The following KANSL1 variants were observed in gnomAD, a reference collection of about 807,000 sequenced individuals.
KANSL1 encodes the protein MLL1/MLL complex subunit KANSL1.
In KANSL1, 22 loss-of-function variants were observed where a neutral mutation model predicts 103.6. The observed-to-expected ratio is 0.21, with a 90% CI of 0.15 to 0.30. The LOEUF is 0.30. KANSL1 is among the 10% of genes least tolerant of loss of function. The pLI is 1.00. For synonymous variants in KANSL1, 600 were observed against 527.6 expected (o/e 1.14, Z -1.88); for missense variants, 1,337 against 1,399.8 (o/e 0.96, Z 0.72).
chr17:46,153,130 T>A (rs953137786), intron 2 of KANSL1, among the ~76,000 whole-genome samples: 2 of 152,230 alleles, frequency 1.3e-5, no homozygotes, highest in Non-Finnish European at 2.9e-5. Context: ...GATTTTTTTT[T>A]AAAGTATTAT....
chr17:46,177,427 T>A (rs537726662), intron 1 of KANSL1, among the ~76,000 whole-genome samples: 21 of 152,328 alleles, frequency 1.4e-4, no homozygotes, highest in African/African-American at 5.1e-4. Context: ...TATTTCATGA[T>A]GTTGTTTATA....
chr17:46,059,058 AAAAG>A (rs201209467), intron 6 of KANSL1, among the ~76,000 whole-genome samples: 1,509 of 148,772 alleles, frequency 0.01, 24 homozygotes, highest in African/African-American at 0.032. Flanking sequence ...GAAAAAAAAA[AAAAG>A]AAAGAAAGAA....
chr17:46,061,040 T>C (rs999498227), intron 6 of KANSL1, among the ~76,000 whole-genome samples: 1 of 152,146 alleles, frequency 6.6e-6, no homozygotes, highest in Non-Finnish European at 1.5e-5. Flanking sequence ...GCAATAAAAA[T>C]TTCAAGGGTA....
At chr17:46,213,663 T>C (rs897154757) in intron 1 of KANSL1, among the ~76,000 whole-genome samples, 3 of 149,126 alleles carry the variant, frequency 2.0e-5, no homozygotes, top group Non-Finnish European at 4.4e-5. Flanking sequence ...ACACCTGTAA[T>C]CCCAGTACTT....
At chr17:46,056,756 G>A (rs1264132086) in intron 6 of KANSL1, among the ~76,000 whole-genome samples, 1 of 152,182 alleles carries the variant, frequency 6.6e-6, no homozygotes, top group Non-Finnish European at 1.5e-5. Flanking sequence ...GGGAGTGTAG[G>A]AAAGATCAAA....
At chr17:46,204,944 A>C (rs140207579) in intron 1 of KANSL1, among the ~76,000 whole-genome samples, 3 of 152,366 alleles carry the variant, frequency 2.0e-5, no homozygotes, top group Admixed American at 6.5e-5. Context: ...AACATCTTCA[A>C]TCTAATAAAA....
intron 2 of KANSL1, among the ~76,000 whole-genome samples, chr17:46,149,959 T>C (rs751947386): frequency 6.6e-6 from 1 of 151,434 alleles, no homozygotes; most frequent in Non-Finnish European, 1.5e-5. Flanking sequence ...GAGGTGGAGC[T>C]TGCAGTGAGC....
intron 2 of KANSL1, among the ~76,000 whole-genome samples, chr17:46,150,902 G>A (rs1288078471): frequency 1.4e-5 from 2 of 141,030 alleles, no homozygotes; most frequent in Non-Finnish European, 3.0e-5. Context: ...GAACAGCTAA[G>A]TTAACTGCAA....
chr17:46,170,977 G>A lies in KANSL1; in HGVS notation c.1167C>T (p.Ala389=), dbSNP rs1295170009. 3 of 1,614,150 alleles carry A rather than the reference G, an allele frequency of 1.9e-6. No individual in the cohort carries two copies. Among genetic ancestry groups the A allele is most frequent in the Non-Finnish European group, 2.5e-6 (3 of 1,180,048 alleles). Residue 389 remains alanine, a synonymous_variant, in exon 2 of 15, where the codon GCC becomes GCT. Transcript: ENST00000432791. ...ELERFTASGI[A]NLRCSEQAFD... is the part of the protein sequence containing the mutation. ...ATGCCTGTTCACTGCACCTCAAGTT[G>A]GCTATGCCACTAGCTGTAAATCTCT...
At chr17:46,105,323 GA>G in intron 2 of KANSL1, among the ~76,000 whole-genome samples, 1 of 152,268 alleles carries the variant, frequency 6.6e-6, no homozygotes, top group East Asian at 1.9e-4. Flanking sequence ...CTCTTTCAAA[GA>G]GATTGCTTGA....
chr17:46,186,198 A>AC (rs1352713882), intron 1 of KANSL1, among the ~76,000 whole-genome samples: 1 of 148,810 alleles, frequency 6.7e-6, no homozygotes, highest in Non-Finnish European at 1.5e-5. Flanking sequence ...ACACAGTGAA[A>AC]CCCCGTCTCT....
At chr17:46,193,781 T>G, upstream of KANSL1, 1 of 170,726 alleles carries the variant, frequency 5.9e-6, no homozygotes, top group Non-Finnish European at 1.3e-5. Flanking sequence ...ATGCCCTCCG[T>G]GCTGGGGCCG....
intron 9 of KANSL1, 25 bp from the exon 10 acceptor site, chr17:46,038,711 GAAAT>G: frequency 6.2e-7 from 1 of 1,613,610 alleles, no homozygotes; most frequent in Non-Finnish European, 8.5e-7. Context: ...AGAAAAGAGA[GAAAT>G]ACATGGCTAT....
At chr17:46,144,927 A>G (rs1597791687) in intron 2 of KANSL1, among the ~76,000 whole-genome samples, 1 of 152,222 alleles carries the variant, frequency 6.6e-6, no homozygotes, top group Admixed American at 6.5e-5. Flanking sequence ...AATAGATTAT[A>G]AAGTATCAAG....
intron 2 of KANSL1, among the ~76,000 whole-genome samples, chr17:46,110,734 T>C (rs2147101622): frequency 6.6e-6 from 1 of 152,202 alleles, no homozygotes; most frequent in East Asian, 1.9e-4. Context: ...TGGAAAAGAA[T>C]ACTGTGGGCA....
chr17:46,072,364 G>GT (rs2078610196), intron 4 of KANSL1, among the ~76,000 whole-genome samples: 1 of 152,106 alleles, frequency 6.6e-6, no homozygotes, highest in East Asian at 1.9e-4. Flanking sequence ...TTTTTTAAAT[G>GT]TATCACATTC....
intron 2 of KANSL1, chr17:46,148,048 G>GAAAT (rs1450657781): frequency 5.9e-5 from 9 of 152,172 alleles, no homozygotes; most frequent in African/African-American, 2.2e-4. Context: ...CTACTTCATA[G>GAAAT]AAAAGTTATA....
intron 1 of KANSL1, among the ~76,000 whole-genome samples, chr17:46,178,314 G>C (rs1449288605): frequency 6.6e-6 from 1 of 152,154 alleles, no homozygotes; most frequent in Non-Finnish European, 1.5e-5. Flanking sequence ...TTTCTCCAAA[G>C]AATACAAAGC....
chr17:46,113,683 TAATG>T (rs1404800825), intron 2 of KANSL1, among the ~76,000 whole-genome samples: 2 of 152,170 alleles, frequency 1.3e-5, no homozygotes, highest in African/African-American at 2.4e-5. Context: ...TATAAAATGT[TAATG>T]AATTTATGAT....
Sources: gnomAD v4.1 joint callset for allele counts (sites outside exome capture counted in the v4.1 genomes callset) on GRCh38, gnomAD v4.1.1 for gene constraint, MANE v1.5 for transcripts, NCBI Gene and HGNC (gene_info 2026-07-23, HGNC 2026-07-21) for gene names.